The following ANKS1B variants were observed in gnomAD, a reference collection of about 807,000 sequenced individuals.
ANKS1B encodes the protein ankyrin repeat and sterile alpha motif domain-containing protein 1B.
Under a neutral mutation model 148.3 loss-of-function variants are expected in ANKS1B, and 36 were observed. The ratio of observed to expected loss-of-function variants is 0.24; its 90% CI spans 0.19 to 0.32. The LOEUF (loss-of-function observed/expected upper bound fraction) is 0.32. ANKS1B is among the 10% of genes least tolerant of loss of function. The pLI is 1.00. For missense variants in ANKS1B, 1,157 were observed against 1,542.6 expected (o/e 0.75, Z 4.19); for synonymous variants, 542 against 560.8 (o/e 0.97, Z 0.47).
chr12:98,995,846 C>CCAGGGAGACCAATGCAATCAGAGTA (rs1328423327), intron 17 of ANKS1B, among the ~76,000 whole-genome samples: 1 of 152,130 alleles, frequency 6.6e-6, no homozygotes, highest in Admixed American at 6.5e-5. Context: ...CACTGAGAGT[C>CCAGGGAGACCAATGCAATCAGAGTA]CAGGGAGACC....
rs147478518 is a variant in ANKS1B at position 99,284,605 on chromosome 12, G to A, written c.1757-37741C>T. On this transcript the variant is annotated intron_variant, in intron 12 of 26. Transcript: ENST00000683438. Reference sequence around the variant, plus strand: ...CAAACCAGTGTTTTTTTTCTTGCCAGGACAATGACAAAAGCTTTTCAACCA... The same window carrying A: ...CAAACCAGTGTTTTTTTTCTTGCCAAGACAATGACAAAAGCTTTTCAACCA... 2.5e-3 allele frequency among the ~76,000 whole-genome samples: 387 copies of A among 152,028 alleles called. 3 individuals carry two copies. The highest frequency in any genetic ancestry group is 8.4e-3 in the African/African-American group (348 of 41,454).
intron 12 of ANKS1B, among the ~76,000 whole-genome samples, chr12:99,328,634 A>T (rs1293050428): frequency 1.3e-5 from 2 of 151,974 alleles, no homozygotes; most frequent in Non-Finnish European, 2.9e-5. Flanking sequence ...TTTCATCCCA[A>T]AAAAGCCCTC....
intron 8 of ANKS1B, among the ~76,000 whole-genome samples, chr12:99,690,464 G>A (rs1346879248): frequency 4.6e-5 from 7 of 152,054 alleles, no homozygotes; most frequent in South Asian, 2.1e-4. Context: ...CTGTAAAATC[G>A]AAAGCAAGTT....
At chr12:99,231,188 T>C (rs1038978250) in intron 14 of ANKS1B, among the ~76,000 whole-genome samples, 1 of 152,126 alleles carries the variant, frequency 6.6e-6, no homozygotes, top group African/African-American at 2.4e-5. Flanking sequence ...CTCATTTACA[T>C]ACATGACTAT....
rs151136038 is a variant in ANKS1B, at chr12:99,577,779, C to T, written c.1273-73138G>A. Among the ~76,000 whole-genome samples the T allele has an allele frequency of 4.5e-3, 684 of 152,032 alleles. 2 individuals are homozygous for T. Among genetic ancestry groups the T allele is most frequent in the Non-Finnish European group, 7.1e-3 (483 of 67,916 alleles). ...AAAGCCCTGGACCAGATGGATCCAC[C>T]GCTGAATTCTACTGCATGTATAAAA... On this transcript the variant is annotated intron_variant, in intron 9 of 26. Coordinates refer to ENST00000683438, the MANE Select transcript of ANKS1B (RefSeq NM_001352186.2).
rs533007943 is a variant in ANKS1B, at chr12:99,092,961, A to G, written c.2527-7938T>C. The stretch of plus-strand genomic sequence containing the variant: ...GACACTATGGAGTCAAGTTCACAAG[A>G]TAAGTATAGGATGGATCTGGGATCT... On this transcript the variant is annotated intron_variant, in intron 15 of 26. Transcript: ENST00000683438. 2.6e-5 allele frequency among the ~76,000 whole-genome samples: 4 copies of G among 152,292 alleles called. No individual in the cohort carries two copies. In the South Asian group the frequency reaches 6.2e-4, roughly 24 times the overall value.
At chr12:99,946,710 G>A (rs914860026) in intron 1 of ANKS1B, among the ~76,000 whole-genome samples, 1 of 152,108 alleles carries the variant, frequency 6.6e-6, no homozygotes, top group Non-Finnish European at 1.5e-5. Flanking sequence ...AGCTGGAATT[G>A]ACAGTATATG....
chr12:99,916,874 C>G (rs533579899), intron 1 of ANKS1B, among the ~76,000 whole-genome samples: 1 of 151,922 alleles, frequency 6.6e-6, no homozygotes, highest in Non-Finnish European at 1.5e-5. Context: ...TTTTGTAAGT[C>G]GACAAAATAA....
intron 10 of ANKS1B, among the ~76,000 whole-genome samples, chr12:99,491,447 G>A (rs548634751): frequency 4.6e-5 from 7 of 152,036 alleles, no homozygotes; most frequent in Admixed American, 3.3e-4. Context: ...AGGTAAACTC[G>A]TGTCACAAGG....
intron 8 of ANKS1B, among the ~76,000 whole-genome samples, chr12:99,691,500 A>T (rs891327560): frequency 3.3e-5 from 5 of 152,200 alleles, no homozygotes; most frequent in African/African-American, 1.2e-4. Context: ...TCAAGTTCAA[A>T]GTTCCACAGA....
At chr12:98,916,203 T>C (rs1012435403) in intron 17 of ANKS1B, among the ~76,000 whole-genome samples, 1 of 152,258 alleles carries the variant, frequency 6.6e-6, no homozygotes, top group Non-Finnish European at 1.5e-5. Flanking sequence ...ACTGCTGAGC[T>C]ACTGAGCTAC....
intron 14 of ANKS1B, among the ~76,000 whole-genome samples, chr12:99,208,805 T>C (rs2153907309): frequency 6.6e-6 from 1 of 152,338 alleles, no homozygotes; most frequent in African/African-American, 2.4e-5. Flanking sequence ...CTTGTTATTT[T>C]AATGTTTTAT....
At chr12:99,834,797 CCT>C (rs1393279524) in intron 1 of ANKS1B, among the ~76,000 whole-genome samples, 7 of 152,158 alleles carry the variant, frequency 4.6e-5, no homozygotes, top group African/African-American at 1.4e-4. Context: ...CTATCTGACC[CCT>C]GACACATGAG....
rs566255886 is a variant in ANKS1B at position 99,241,275 on chromosome 12, C to T, written c.2419+3067G>A. 4.1e-4 allele frequency among the ~76,000 whole-genome samples: 62 copies of T among 152,254 alleles called. 3 individuals carry two copies. In the East Asian group the frequency reaches 0.011, roughly 27 times the overall value. On this transcript the variant is annotated intron_variant, in intron 14 of 26. Coordinates refer to ENST00000683438, the MANE Select transcript of ANKS1B (RefSeq NM_001352186.2). Reference sequence around the variant, plus strand: ...TCAGAGAATACTATAAACACCTCTACGCAAATGAAGTAGAAAATCTAGAAG... The same window carrying T: ...TCAGAGAATACTATAAACACCTCTATGCAAATGAAGTAGAAAATCTAGAAG...
intron 1 of ANKS1B, among the ~76,000 whole-genome samples, chr12:99,959,344 T>C (rs751669001): frequency 9.3e-5 from 14 of 150,968 alleles, no homozygotes; most frequent in Non-Finnish European, 1.8e-4. Flanking sequence ...CCCAAAGTGA[T>C]GGGATTACAG....
Position 99,222,637 on chromosome 12 carries a change from C to G in ANKS1B, c.2419+21705G>C, listed in dbSNP as rs560635086. Among the ~76,000 whole-genome samples, 45 of 152,160 alleles carry G rather than the reference C, an allele frequency of 3.0e-4. 1 individual carries two copies. The highest frequency in any genetic ancestry group is 1.1e-3 in the Admixed American group (17 of 15,276). The stretch of plus-strand genomic sequence containing the variant: ...TCTCAAAAACAAACAAACAAACAAA[C>G]AAAACTCTCTTATATGACATCTCAT... On this transcript the variant is annotated intron_variant, in intron 14 of 26. Coordinates refer to ENST00000683438, the MANE Select transcript of ANKS1B (RefSeq NM_001352186.2).
chr12:99,561,137 C>T (rs1349956170), intron 9 of ANKS1B, among the ~76,000 whole-genome samples: 2 of 152,178 alleles, frequency 1.3e-5, no homozygotes, highest in Admixed American at 6.5e-5. Flanking sequence ...TAAGCCAGTG[C>T]GCCCGGCCGG....
intron 15 of ANKS1B, among the ~76,000 whole-genome samples, chr12:99,144,811 A>T (rs1231746086): frequency 6.6e-6 from 1 of 152,026 alleles, no homozygotes; most frequent in Non-Finnish European, 1.5e-5. Context: ...GAGATTTGAA[A>T]CACAAGGAGA....
At chr12:99,930,509 G>A (rs1309894011) in intron 1 of ANKS1B, among the ~76,000 whole-genome samples, 4 of 152,018 alleles carry the variant, frequency 2.6e-5, no homozygotes, top group Non-Finnish European at 5.9e-5. Context: ...CTGCCTGATT[G>A]CCCTGGCCAG....
Sources: gnomAD v4.1 joint callset for allele counts (sites outside exome capture counted in the v4.1 genomes callset) on GRCh38, gnomAD v4.1.1 for gene constraint, MANE v1.5 for transcripts, NCBI Gene and HGNC (gene_info 2026-07-23, HGNC 2026-07-21) for gene names.